Variants in ZNF701 observed in about 807,000 individuals in gnomAD.
ZNF701 encodes zinc finger protein 701.
A neutral mutation model predicts 7.1 loss-of-function variants in ZNF701; 6 were observed. That is an observed-to-expected ratio of 0.84 (90% confidence interval 0.46 to 1.66). The LOEUF (loss-of-function observed/expected upper bound fraction) is 1.66. ZNF701 is among the 40% of genes most tolerant of loss of function. The pLI is 0.01. For synonymous variants in ZNF701, 166 were observed against 188.2 expected (o/e 0.88, Z 0.97); for missense variants, 541 against 559.2 (o/e 0.97, Z 0.33).
intron 1 of ZNF701, chr19:52,572,568 A>T (rs1225112078): frequency 2.6e-6 from 1 of 379,452 alleles, no homozygotes; most frequent in Non-Finnish European, 4.9e-6. Flanking sequence ...CTTCCAGGCC[A>T]CCATGTAAGA....
downstream of ZNF701, chr19:52,592,004 T>G (rs923935807): frequency 2.5e-5 from 15 of 596,870 alleles, no homozygotes; most frequent in Admixed American, 5.6e-5. Context: ...AACACCGTCT[T>G]GGATCAAATC....
At position 52,585,818 on chromosome 19, in the gene ZNF701, G is replaced by T. The variant is rs1296757647; in HGVS notation, c.*2361G>T. ...CAGATGGGTGCCCTATGCAGATGAA[G>T]GGGTGGCCGGTGCTTGGCCTTGGCC... On this transcript the variant is annotated 3_prime_UTR_variant, in exon 4 of 4. Coordinates refer to ENST00000391785, the MANE Select transcript of ZNF701 (RefSeq NM_018260.3). 6.6e-6 allele frequency: 1 copy of T among 152,284 alleles called. No homozygotes were observed. Among genetic ancestry groups the T allele is most frequent in the East Asian group, 1.9e-4 (1 of 5,176 alleles). The allele number at this position is 152,284 out of a possible 1,614,324, so 9.4% of individuals were successfully genotyped here. A position where few individuals can be genotyped will look rare whatever the true frequency, so the allele number is the denominator to read the frequency against.
the ZNF701 span, chr19:52,597,292 G>C: frequency 1.8e-6 from 1 of 544,324 alleles, no homozygotes; most frequent in African/African-American, 1.9e-5. Context: ...TTGACTTCAC[G>C]TTCACACCTC....
At chr19:52,595,224 C>A in the ZNF701 span, among the ~76,000 whole-genome samples, 1 of 150,480 alleles carries the variant, frequency 6.6e-6, no homozygotes, top group African/African-American at 2.4e-5. Flanking sequence ...ATAACTGTTG[C>A]TTTTTGTGTA....
intron 3 of ZNF701, among the ~76,000 whole-genome samples, 166 bp downstream of exon 3, chr19:52,576,187 T>C (rs1330339751): frequency 6.6e-6 from 1 of 152,208 alleles, no homozygotes; most frequent in East Asian, 1.9e-4. Flanking sequence ...CTGTCCCCTT[T>C]AGATGTTCTG....
chr19:52,589,478 C>CTTTTT (rs11414668), downstream of ZNF701, among the ~76,000 whole-genome samples: 3 of 138,792 alleles, frequency 2.2e-5, 1 homozygote, highest in Non-Finnish European at 4.6e-5. Flanking sequence ...CACATGCCTG[C>CTTTTT]TTTTTTTTTT....
chr19:52,578,209 G>T, intron 3 of ZNF701, among the ~76,000 whole-genome samples: 1 of 127,422 alleles, frequency 7.8e-6, no homozygotes, highest in South Asian at 2.5e-4. Context: ...AGCCGAGATC[G>T]CACCACTGCA....
chr19:52,583,450 AATCTT>A lies in ZNF701; in HGVS notation c.1393_1397del (p.Ser465GlufsTer3), dbSNP rs1221167485. The A allele has an allele frequency of 6.8e-6, 11 of 1,611,822 alleles. No individual in the cohort carries two copies. Among genetic ancestry groups the A allele is most frequent in the Middle Eastern group, 1.7e-4 (1 of 6,056 alleles). ...CATCATAGACTTCATACTGGAAAGAAATCTTAGAAGTGTAAATTTGCAAGGTTTTT... is the reference window on the plus strand; with the variant it reads ...CATCATAGACTTCATACTGGAAAGAAAGAAGTGTAAATTTGCAAGGTTTTT... On this transcript the variant is annotated frameshift_variant and stop_lost, in exon 4 of 4. Transcript: ENST00000391785. LOFTEE classifies it high-confidence loss of function.
chr19:52,593,402 C>CA, the ZNF701 span, among the ~76,000 whole-genome samples: 2 of 107,576 alleles, frequency 1.9e-5, 1 homozygote, highest in Non-Finnish European at 4.0e-5. Flanking sequence ...GCTGGCCTGG[C>CA]GGGGGGCTGA....
At position 52,584,805 on chromosome 19, in the gene ZNF701, T is replaced by C. The variant is rs45586042; in HGVS notation, c.*1348T>C. 26,225 of 152,200 alleles carry C rather than the reference T, an allele frequency of 0.17. 2,340 individuals are homozygous for C. The highest frequency in any genetic ancestry group is 0.23 in the Middle Eastern group (68 of 294). 9.4% of individuals were successfully genotyped at this position (152,200 alleles called of 1,614,324 possible). A position where few individuals can be genotyped will look rare whatever the true frequency, so the allele number is the denominator to read the frequency against. On this transcript the variant is annotated 3_prime_UTR_variant, in exon 4 of 4. Transcript: ENST00000391785. Reference sequence around the variant, plus strand: ...CACTGAATGTGTTGATTAGTTCCAGTAGTATTTTGGTTGACTCAGGCCCCG... The same window carrying C: ...CACTGAATGTGTTGATTAGTTCCAGCAGTATTTTGGTTGACTCAGGCCCCG...
chr19:52,576,395 G>GC (rs2059934455), intron 3 of ZNF701, among the ~76,000 whole-genome samples: 1 of 151,984 alleles, frequency 6.6e-6, no homozygotes, highest in Non-Finnish European at 1.5e-5. Flanking sequence ...ACAAAAATTA[G>GC]CCGGGCGTCG....
At chr19:52,572,625 C>T (rs1319855894) in intron 1 of ZNF701, 3 of 348,054 alleles carry the variant, frequency 8.6e-6, no homozygotes, top group Admixed American at 4.1e-5. Flanking sequence ...CAGCGTGACT[C>T]GGTGAAAATG....
chr19:52,575,321 T>C (rs971353292), intron 2 of ZNF701, among the ~76,000 whole-genome samples: 2 of 136,684 alleles, frequency 1.5e-5, no homozygotes, highest in African/African-American at 3.2e-5. Flanking sequence ...CCCATACATA[T>C]ACACACACAT....
rs897039611 is a variant in ZNF701 at position 52,586,027 on chromosome 19, G to GT, written c.*2578dup. 4.1e-4 allele frequency: 63 copies of GT among 151,832 alleles called. No individual in the cohort carries two copies. The highest frequency in any genetic ancestry group is 1.3e-3 in the African/African-American group (53 of 41,084). 9.4% of individuals were successfully genotyped at this position (151,832 alleles called of 1,614,324 possible). A position where few individuals can be genotyped will look rare whatever the true frequency, so the allele number is the denominator to read the frequency against. On this transcript the variant is annotated 3_prime_UTR_variant, in exon 4 of 4. Coordinates refer to ENST00000391785, the MANE Select transcript of ZNF701 (RefSeq NM_018260.3). ...CCTCCCTAGACCCAGGACCCATGTG[G>GT]TTTTTTTTGTTTTTGTTTTTGTTTT...
intron 3 of ZNF701, among the ~76,000 whole-genome samples, chr19:52,579,503 A>G (rs1462798443): frequency 2.4e-5 from 3 of 123,388 alleles, no homozygotes; most frequent in Non-Finnish European, 4.7e-5. Flanking sequence ...CTGGGCAACG[A>G]GAGCGAAACT....
the ZNF701 span, chr19:52,596,964 CT>C: frequency 1.3e-6 from 1 of 754,418 alleles, no homozygotes; most frequent in Non-Finnish European, 2.2e-6. Flanking sequence ...GAAGTCGTCA[CT>C]TTTTTATCAT....
chr19:52,575,767 T>TC, intron 2 of ZNF701, 128 bp from the exon 3 acceptor site: 2 of 656,950 alleles, frequency 3.0e-6, no homozygotes, highest in African/African-American at 2.0e-5. Context: ...TGGTGAAGAA[T>TC]CCCTTACTTG....
chr19:52,572,522 G>C, intron 1 of ZNF701: 1 of 701,432 alleles, frequency 1.4e-6, no homozygotes, highest in Non-Finnish European at 2.0e-6. Flanking sequence ...TAATTTTCAA[G>C]GATAGTTTTG....
chr19:52,574,083 C>T lies in ZNF701; in HGVS notation c.-65C>T, dbSNP rs1426913849. 6.2e-7 allele frequency: 1 copy of T among 1,611,772 alleles called. No homozygotes were observed. On this transcript the variant is annotated 5_prime_UTR_variant, in exon 2 of 4. Coordinates refer to ENST00000391785, the MANE Select transcript of ZNF701 (RefSeq NM_018260.3). Reference sequence around the variant, plus strand: ...ACATATTTCTAACATTCAGGATTGACTTCTAAAGACTTGGTACGTGAGGAA... The same window carrying T: ...ACATATTTCTAACATTCAGGATTGATTTCTAAAGACTTGGTACGTGAGGAA...
Sources: gnomAD v4.1 joint callset for allele counts (sites outside exome capture counted in the v4.1 genomes callset) on GRCh38, gnomAD v4.1.1 for gene constraint, MANE v1.5 for transcripts, NCBI Gene and HGNC (gene_info 2026-07-23, HGNC 2026-07-21) for gene names.